PRCC: variants seen among roughly 807,000 people sequenced by gnomAD.
PRCC encodes the protein proline rich mitotic checkpoint control factor.
Under a neutral mutation model 44.0 loss-of-function variants are expected in PRCC, and 10 were observed. That is an observed-to-expected ratio of 0.23 (90% CI 0.14 to 0.39). The LOEUF (loss-of-function observed/expected upper bound fraction) is 0.39. Among genes scored for constraint, PRCC ranks in the 10% least tolerant of loss-of-function variants. The pLI, the probability that PRCC is intolerant of heterozygous loss-of-function variation, is 1.00. For missense variants in PRCC, 573 were observed against 624.7 expected (o/e 0.92, Z 0.88); for synonymous variants, 278 against 259.5 (o/e 1.07, Z -0.69).
At chr1:156,791,189 G>T (rs773446635) in intron 3 of PRCC, 2 of 1,366,878 alleles carry the variant, frequency 1.5e-6, no homozygotes, top group Admixed American at 1.9e-5. Context: ...CCTAATAGTG[G>T]TTATTTTAAA....
intron 1 of PRCC, among the ~76,000 whole-genome samples, chr1:156,778,486 T>C (rs1026210222): frequency 2.0e-5 from 3 of 152,066 alleles, no homozygotes; most frequent in African/African-American, 7.2e-5. Flanking sequence ...AATGCTACAG[T>C]GAACATGGGA....
intron 1 of PRCC, among the ~76,000 whole-genome samples, chr1:156,769,388 C>G (rs1651540022): frequency 6.6e-6 from 1 of 152,060 alleles, no homozygotes; most frequent in South Asian, 2.1e-4. Context: ...ATCTGTCCTC[C>G]CACTAGTATA....
intron 4 of PRCC, 29 bp from the exon 5 acceptor site, chr1:156,794,636 C>A (rs1369883673): frequency 2.5e-6 from 4 of 1,612,950 alleles, no homozygotes; most frequent in African/African-American, 2.7e-5. Flanking sequence ...TGCCCAGATT[C>A]CTGACTCCTG....
chr1:156,791,834 C>T (rs779801327), intron 4 of PRCC, 42 bp downstream of exon 4: 3 of 1,521,358 alleles, frequency 2.0e-6, no homozygotes, highest in Middle Eastern at 1.7e-4. Context: ...GACCGCTGGG[C>T]ACCACATTTC....
At chr1:156,778,222 ACT>A (rs1651897815) in intron 1 of PRCC, among the ~76,000 whole-genome samples, 1 of 152,004 alleles carries the variant, frequency 6.6e-6, no homozygotes, top group African/African-American at 2.4e-5. Flanking sequence ...CCACCATTGT[ACT>A]CTCTGCTTCT....
chr1:156,773,912 A>G (rs1214660519), intron 1 of PRCC, among the ~76,000 whole-genome samples: 4 of 152,196 alleles, frequency 2.6e-5, no homozygotes, highest in South Asian at 2.1e-4. Context: ...ATATTATTCA[A>G]CCTGAAAAAG....
At chr1:156,796,060 T>C (rs958032769) in intron 5 of PRCC, 2 of 152,200 alleles carry the variant, frequency 1.3e-5, no homozygotes, top group African/African-American at 4.8e-5. Context: ...CAAAGGACTG[T>C]GGTTAGATCA....
chr1:156,771,904 G>A (rs1651650637), intron 1 of PRCC, among the ~76,000 whole-genome samples: 1 of 150,988 alleles, frequency 6.6e-6, no homozygotes, highest in Non-Finnish European at 1.5e-5. Flanking sequence ...AGATCTGTTG[G>A]GGATCTCTAC....
intron 2 of PRCC, among the ~76,000 whole-genome samples, chr1:156,784,026 A>C (rs1430703687): frequency 6.6e-6 from 1 of 151,434 alleles, no homozygotes; most frequent in African/African-American, 2.4e-5. Context: ...GGCTCACTGC[A>C]AGCTCCGCCT....
In PRCC at chr1:156,794,712, C is replaced by G. The variant is rs1190335357; in HGVS notation, c.1227C>G (p.Asn409Lys). The G allele has an allele frequency of 6.2e-7, 1 of 1,614,022 alleles. No individual in the cohort carries two copies. Among genetic ancestry groups the G allele is most frequent in the Admixed American group, 1.7e-5 (1 of 59,998 alleles). The change falls in exon 5 of 7, where the codon AAC becomes AAG. Residue 409 changes from asparagine (N) to lysine (K), a missense_variant. By Grantham distance (94) the Asn-to-Lys change is moderately conservative. This residue lies in a region of PRCC where 69 missense variants were observed against 139.3 expected (regional missense o/e 0.50). Coordinates refer to ENST00000271526, the MANE Select transcript of PRCC (RefSeq NM_005973.5). ...GGAACCGAGGGAGAGAAGAAATCAA[C>G]TTTGTGGAGATCAAAGGTGATGACC... Reference protein sequence around the residue: ...GKRNRGREEINFVEIKGDDQL... With the variant: ...GKRNRGREEIKFVEIKGDDQL...
intron 4 of PRCC, among the ~76,000 whole-genome samples, chr1:156,793,712 G>A (rs369432710): frequency 2.0e-5 from 3 of 151,946 alleles, no homozygotes; most frequent in South Asian, 4.1e-4. Context: ...GTTTTCTGGG[G>A]GCTTGGAATT....
At chr1:156,794,955 T>C in intron 5 of PRCC, 147 bp downstream of exon 5, 1 of 976,140 alleles carries the variant, frequency 1.0e-6, no homozygotes. Context: ...GAGTATGCAC[T>C]AAACCTCACA....
chr1:156,798,774 G>T (rs182304752), intron 6 of PRCC, among the ~76,000 whole-genome samples: 1 of 151,444 alleles, frequency 6.6e-6, no homozygotes. Flanking sequence ...GCTTGAACCC[G>T]GGAGGTGGAG....
chr1:156,791,025 A>G lies in PRCC; in HGVS notation c.1084-672A>G, dbSNP rs1409812756. On this transcript the variant is annotated intron_variant, in intron 3 of 6. Transcript: ENST00000271526. ...GCCCTGTGGCTGCCTGACTTCACCA[A>G]GCAGAGGCCTTGCCCTTGCCTTCAC... 5.8e-6 allele frequency: 7 copies of G among 1,206,666 alleles called. No individual in the cohort carries two copies. In the South Asian group the frequency reaches 8.5e-5, roughly 15 times the overall value. 74.7% of individuals were successfully genotyped at this position (1,206,666 alleles called of 1,614,324 possible).
intron 3 of PRCC, chr1:156,790,959 G>A (rs1159313743): frequency 3.6e-6 from 2 of 548,790 alleles, no homozygotes; most frequent in African/African-American, 3.8e-5. Flanking sequence ...CGAAGTGGAA[G>A]AATTAGGAAA....
chr1:156,787,175 G>T lies in PRCC; in HGVS notation c.1083+1G>T. ...CAATGCCGCTGGTGCTTATTATCAG[G>T]TGGGTAGGAGGCACAGAGGGCAGGC... is the stretch of plus-strand genomic sequence containing the variant. On this transcript the variant is annotated splice_donor_variant, in intron 3 of 6. Transcript: ENST00000271526. LOFTEE classifies it high-confidence loss of function. 6.3e-7 allele frequency: 1 copy of T among 1,594,976 alleles called. No homozygotes were observed.
chr1:156,794,696 G>A lies in PRCC; in HGVS notation c.1211G>A (p.Gly404Glu). The stretch of plus-strand genomic sequence containing the variant: ...CGGCTGCAGGGCAAGAGGAACCGAG[G>A]GAGAGAAGAAATCAACTTTGTGGAG... ...FKRLQGKRNR[G>E]REEINFVEIK... The change falls in exon 5 of 7, where the codon GGG becomes GAG. Residue 404 changes from glycine to glutamate, a missense_variant. Transcript: ENST00000271526. 6.2e-7 allele frequency: 1 copy of A among 1,614,114 alleles called. No individual in the cohort carries two copies. Among genetic ancestry groups the A allele is most frequent in the Non-Finnish European group, 8.5e-7 (1 of 1,180,012 alleles).
At chr1:156,782,488 C>G (rs1208908252) in intron 2 of PRCC, among the ~76,000 whole-genome samples, 159 bp downstream of exon 2, 1 of 152,114 alleles carries the variant, frequency 6.6e-6, no homozygotes, top group Non-Finnish European at 1.5e-5. Flanking sequence ...AACTTCAGAC[C>G]TTGTGCATCT....
chr1:156,791,243 G>T lies in PRCC; in HGVS notation c.1084-454G>T, dbSNP rs879790778. On this transcript the variant is annotated intron_variant, in intron 3 of 6. Coordinates refer to ENST00000271526, the MANE Select transcript of PRCC (RefSeq NM_005973.5). Reference sequence around the variant, plus strand: ...CCCACCCGGTTTAGACTGTTTCCCTGTATCCACAGGACCAAACTAGAATGA... The same window carrying T: ...CCCACCCGGTTTAGACTGTTTCCCTTTATCCACAGGACCAAACTAGAATGA... 111 of 1,028,218 alleles carry T rather than the reference G, an allele frequency of 1.1e-4. 1 individual carries two copies. The highest frequency in any genetic ancestry group is 2.2e-4 in the Middle Eastern group (1 of 4,524). The allele number at this position is 1,028,218 out of a possible 1,614,324, so 63.7% of individuals were successfully genotyped here.
Sources: allele counts gnomAD v4.1 joint callset (sites outside exome capture counted in the v4.1 genomes callset), GRCh38; gene constraint gnomAD v4.1.1; regional missense constraint gnomAD v4.1.1; transcripts MANE v1.5; gene names NCBI Gene and HGNC (gene_info 2026-07-23, HGNC 2026-07-21).